The following SPON1 variants were observed in gnomAD, a reference collection of about 807,000 sequenced individuals.
The protein encoded by SPON1 is spondin 1.
SPON1 carries 52 observed loss-of-function variants against 111.7 expected under a neutral mutation model. The ratio of observed to expected loss-of-function variants is 0.47; its 90% CI spans 0.37 to 0.59. SPON1 has a LOEUF of 0.59. Ranked by LOEUF, SPON1 falls within the 20% of genes least tolerant of loss-of-function variation. The probability of loss-of-function intolerance (pLI) is 0.00; values close to 1 mark genes in which losing one functional copy is unlikely to be tolerated. For missense variants in SPON1, 957 were observed against 1,068.5 expected (o/e 0.90, Z 1.46); for synonymous variants, 410 against 395.8 (o/e 1.04, Z -0.43).
intron 6 of SPON1, among the ~76,000 whole-genome samples, chr11:14,176,148 G>A (rs1296140924): frequency 6.6e-6 from 1 of 152,058 alleles, no homozygotes; most frequent in Non-Finnish European, 1.5e-5. Context: ...TTCATTGAAT[G>A]TGACCAGACG....
At chr11:14,000,290 G>A (rs1848307114) in intron 2 of SPON1, among the ~76,000 whole-genome samples, 1 of 152,092 alleles carries the variant, frequency 6.6e-6, no homozygotes, top group African/African-American at 2.4e-5. Context: ...CTGCTCAAAT[G>A]TCACTTTTAT....
At chr11:14,166,116 A>G (rs920479887) in intron 6 of SPON1, among the ~76,000 whole-genome samples, 14 of 152,194 alleles carry the variant, frequency 9.2e-5, no homozygotes, top group Non-Finnish European at 2.1e-4. Context: ...AGATTCCCCA[A>G]TGGACTTTAA....
chr11:14,207,773 A>G (rs899780647), intron 6 of SPON1, among the ~76,000 whole-genome samples: 7 of 152,216 alleles, frequency 4.6e-5, no homozygotes, highest in African/African-American at 1.7e-4. Context: ...AATTTGTTCA[A>G]CCATTGTGGA....
intron 2 of SPON1, among the ~76,000 whole-genome samples, chr11:14,031,408 C>T (rs1848558244): frequency 6.6e-6 from 1 of 152,076 alleles, no homozygotes. Flanking sequence ...GGATTTAAGC[C>T]TAAATCTTTA....
intron 2 of SPON1, among the ~76,000 whole-genome samples, chr11:13,998,588 A>C (rs1241815519): frequency 2.0e-5 from 3 of 152,292 alleles, no homozygotes; most frequent in Admixed American, 1.3e-4. Context: ...CTGATGAGTT[A>C]AATTCCCATT....
chr11:13,991,876 T>C (rs924190166), intron 2 of SPON1, among the ~76,000 whole-genome samples: 2 of 152,184 alleles, frequency 1.3e-5, no homozygotes, highest in Non-Finnish European at 2.9e-5. Context: ...TTTGCCTGGG[T>C]ATCACCAGTG....
chr11:14,103,090 G>A (rs1849156531), intron 5 of SPON1, among the ~76,000 whole-genome samples: 1 of 152,122 alleles, frequency 6.6e-6, no homozygotes, highest in Admixed American at 6.6e-5. Flanking sequence ...ATCCTAGGTG[G>A]TGCCCCTTCT....
At chr11:14,085,634 C>G (rs1307933918) in intron 5 of SPON1, among the ~76,000 whole-genome samples, 6 of 152,134 alleles carry the variant, frequency 3.9e-5, no homozygotes, top group African/African-American at 1.4e-4. Flanking sequence ...TATACAGGCT[C>G]TTTTTTAGTT....
intron 6 of SPON1, among the ~76,000 whole-genome samples, chr11:14,214,930 T>C (rs1291107454): frequency 2.0e-5 from 3 of 152,268 alleles, no homozygotes; most frequent in South Asian, 4.1e-4. Context: ...TTGTGGACTT[T>C]TACTATTTCA....
Position 14,135,382 on chromosome 11 carries a change from A to G in SPON1, c.677-38A>G, listed in dbSNP as rs782418527. 2.5e-6 allele frequency: 4 copies of G among 1,591,804 alleles called. No individual in the cohort carries two copies. Among genetic ancestry groups the G allele is most frequent in the South Asian group, 1.1e-5 (1 of 89,484 alleles). On this transcript the variant is annotated intron_variant, in intron 5 of 15. Coordinates refer to ENST00000576479, the MANE Select transcript of SPON1 (RefSeq NM_006108.4). This position sits in a 1 kb window ranked among gnomAD's most constrained non-coding sequence, Gnocchi z 4.4. ...TTTAAGGGACTCGTGTTTCAGCCAC[A>G]GCCATGCTGATAACTGCCTCCTGAT... is the stretch of plus-strand genomic sequence containing the variant.
At position 14,107,674 on chromosome 11, in the gene SPON1, G is replaced by A. The variant is rs144772591; in HGVS notation, c.676+27653G>A. 3.4e-3 allele frequency among the ~76,000 whole-genome samples: 523 copies of A among 152,086 alleles called. 4 individuals carry two copies. The highest frequency in any genetic ancestry group is 0.017 in the South Asian group (83 of 4,818). ...CTAAGAAGTAAACTAAAATAGGAAGGTGGGAGAGAGAGCAAGTTCTTGCTG... is the reference window on the plus strand; with the variant it reads ...CTAAGAAGTAAACTAAAATAGGAAGATGGGAGAGAGAGCAAGTTCTTGCTG... On this transcript the variant is annotated intron_variant, in intron 5 of 15. Coordinates refer to ENST00000576479, the MANE Select transcript of SPON1 (RefSeq NM_006108.4).
intron 15 of SPON1, among the ~76,000 whole-genome samples, chr11:14,264,835 A>C (rs1480292265): frequency 1.3e-5 from 2 of 152,234 alleles, no homozygotes; most frequent in Admixed American, 1.3e-4. Flanking sequence ...CTTGGAGAGC[A>C]GCATGTTTAT....
At chr11:13,977,202 G>A (rs1319462401) in intron 1 of SPON1, among the ~76,000 whole-genome samples, 1 of 152,154 alleles carries the variant, frequency 6.6e-6, no homozygotes, top group Non-Finnish European at 1.5e-5. Flanking sequence ...ATGCATTTCT[G>A]TTGATTTAAG....
intron 10 of SPON1, among the ~76,000 whole-genome samples, 195 bp downstream of exon 10, chr11:14,256,887 T>G (rs998504142): frequency 6.6e-6 from 1 of 152,220 alleles, no homozygotes; most frequent in Non-Finnish European, 1.5e-5. Context: ...TTGGTGAAGA[T>G]ATGACATCAG....
At chr11:13,995,688 A>G (rs1848266681) in intron 2 of SPON1, among the ~76,000 whole-genome samples, 1 of 152,122 alleles carries the variant, frequency 6.6e-6, no homozygotes, top group Non-Finnish European at 1.5e-5. Context: ...TAGGAGGTCA[A>G]AGTCTACAGA....
At chr11:13,971,434 T>C (rs1328689127) in intron 1 of SPON1, among the ~76,000 whole-genome samples, 1 of 152,144 alleles carries the variant, frequency 6.6e-6, no homozygotes, top group Non-Finnish European at 1.5e-5. Flanking sequence ...ACATCAATTA[T>C]TAAAGTGACA....
chr11:14,053,861 A>G (rs1458693206), intron 3 of SPON1, among the ~76,000 whole-genome samples: 1 of 152,218 alleles, frequency 6.6e-6, no homozygotes, highest in Non-Finnish European at 1.5e-5. Flanking sequence ...CAGTGCAACA[A>G]AGTCATATAC....
intron 5 of SPON1, among the ~76,000 whole-genome samples, chr11:14,119,107 C>A (rs1201375758): frequency 1.3e-5 from 2 of 152,068 alleles, no homozygotes; most frequent in Non-Finnish European, 2.9e-5. Flanking sequence ...GAGGAGCATC[C>A]CTAACTGCCT....
intron 6 of SPON1, among the ~76,000 whole-genome samples, chr11:14,192,263 A>G (rs1346746161): frequency 3.3e-5 from 5 of 151,484 alleles, no homozygotes; most frequent in Non-Finnish European, 7.4e-5. Flanking sequence ...ATATATATAT[A>G]TATATATTAG....
Sources: gnomAD v4.1 joint callset for allele counts (sites outside exome capture counted in the v4.1 genomes callset) on GRCh38, gnomAD v4.1.1 for gene constraint, Gnocchi (gnomAD v3.1) non-coding constraint, MANE v1.5 for transcripts, NCBI Gene and HGNC (gene_info 2026-07-23, HGNC 2026-07-21) for gene names.